THOC2: variants seen among roughly 807,000 people sequenced by gnomAD.
The protein encoded by THOC2 is THO complex subunit 2.
A neutral mutation model predicts 128.4 loss-of-function variants in THOC2; 10 were observed. That is an observed-to-expected ratio of 0.08 (90% confidence interval 0.05 to 0.13). The LOEUF (loss-of-function observed/expected upper bound fraction) is 0.13, where lower values mean the gene tolerates loss of function less well. Among genes scored for constraint, THOC2 ranks in the 10% least tolerant of loss-of-function variants. The probability of loss-of-function intolerance (pLI) is 1.00; values close to 1 mark genes in which losing one functional copy is unlikely to be tolerated. For synonymous variants in THOC2, 393 were observed against 396.9 expected (o/e 0.99, Z 0.12); for missense variants, 535 against 1,155.7 (o/e 0.46, Z 7.79).
At position 123,621,470 on chromosome X, in the gene THOC2, TTCTTTACCA is replaced by T. The variant is rs1242605341; in HGVS notation, c.3894_3902del (p.Asp1298_Lys1300del). 8.3e-7 allele frequency: 1 copy of T among 1,209,290 alleles called. No homozygotes were observed. Among genetic ancestry groups the T allele is most frequent in the Non-Finnish European group, 1.1e-6 (1 of 895,144 alleles). On this transcript the variant is annotated inframe_deletion, in exon 31 of 39. Coordinates refer to ENST00000245838, the MANE Select transcript of THOC2 (RefSeq NM_001081550.2). ...TATTTGGCCGCTCTTCCTTTGGTTT[TTCTTTACCA>T]TCTTTACCAAGTACCCTGGCCTCTG...
chrX:123,728,552 C>T (rs1323454941), intron 1 of THOC2, among the ~76,000 whole-genome samples: 2 of 111,057 alleles, frequency 1.8e-5, no homozygotes, highest in Admixed American at 9.6e-5. Flanking sequence ...TTTGGAGCAA[C>T]TTTGCGAGGA....
intron 1 of THOC2, among the ~76,000 whole-genome samples, chrX:123,731,686 G>T (rs1454922670): frequency 9.0e-6 from 1 of 110,956 alleles, no homozygotes; most frequent in Non-Finnish European, 1.9e-5. Flanking sequence ...AAGTGGCTAA[G>T]ACAGCCGCTT....
At chrX:123,702,463 C>T (rs2050739669) in intron 4 of THOC2, among the ~76,000 whole-genome samples, 1 of 105,510 alleles carries the variant, frequency 9.5e-6, no homozygotes, top group Admixed American at 1.1e-4. Context: ...CATGGTGAAA[C>T]CCCATCTCTA....
At chrX:123,610,880 T>C (rs1325170711) in intron 38 of THOC2, 38 bp downstream of exon 38, 21 of 1,115,855 alleles carry the variant, frequency 1.9e-5, no homozygotes, top group Non-Finnish European at 2.6e-5. Context: ...ATTTTATGTT[T>C]CTATCATTAA....
Position 123,667,320 on chromosome X carries a change from C to T in THOC2, c.1018-42G>A, listed in dbSNP as rs755350647. ...AAAACTAAGATACTCAGGATACAGA[C>T]ATCAAGAAATCTTAATACTTTGTCA... On this transcript the variant is annotated intron_variant, in intron 10 of 38. Coordinates refer to ENST00000245838, the MANE Select transcript of THOC2 (RefSeq NM_001081550.2). 7.0e-6 allele frequency: 7 copies of T among 1,000,971 alleles called. No homozygotes were observed. In the East Asian group the frequency reaches 1.9e-4, roughly 27 times the overall value. The allele number at this position is 1,000,971 out of a possible 1,213,427, so 82.5% of individuals were successfully genotyped here.
chrX:123,608,753 A>C (rs1476580574), intron 38 of THOC2, among the ~76,000 whole-genome samples: 1 of 112,308 alleles, frequency 8.9e-6, no homozygotes, highest in East Asian at 2.8e-4. Context: ...TCAAAAGAAA[A>C]GAAACTATCA....
chrX:123,635,801 T>C (rs999358999), intron 19 of THOC2, among the ~76,000 whole-genome samples: 1 of 112,042 alleles, frequency 8.9e-6, no homozygotes, highest in African/African-American at 3.2e-5. Context: ...TATTAGCCAT[T>C]TACTCAAAAG....
intron 7 of THOC2, among the ~76,000 whole-genome samples, chrX:123,693,727 G>C (rs1329121781): frequency 2.7e-5 from 3 of 111,158 alleles, no homozygotes; most frequent in Non-Finnish European, 5.7e-5. Context: ...TACATCACAG[G>C]TGGAGGGGGA....
intron 2 of THOC2, among the ~76,000 whole-genome samples, chrX:123,710,693 T>TA (rs1316378969): frequency 2.7e-5 from 3 of 110,286 alleles, no homozygotes; most frequent in Admixed American, 9.7e-5. Context: ...TTTCATTTGT[T>TA]AAAAAAACAT....
At chrX:123,661,269 G>A (rs1169757853) in intron 12 of THOC2, among the ~76,000 whole-genome samples, 1 of 111,248 alleles carries the variant, frequency 9.0e-6, no homozygotes, top group African/African-American at 3.3e-5. Flanking sequence ...GTTGGGCGTG[G>A]TGGCGGGCAC....
At chrX:123,679,661 AAG>A (rs1020363845) in intron 8 of THOC2, among the ~76,000 whole-genome samples, 2 of 112,251 alleles carry the variant, frequency 1.8e-5, no homozygotes, top group Non-Finnish European at 3.8e-5. Context: ...GGGGAAAAGA[AAG>A]AGAGATCAGA....
intron 8 of THOC2, among the ~76,000 whole-genome samples, chrX:123,679,967 AG>A (rs1447971984): frequency 8.9e-6 from 1 of 112,420 alleles, no homozygotes; most frequent in Non-Finnish European, 1.9e-5. Flanking sequence ...GGAAGGCTGC[AG>A]GGACCCCTGC....
intron 12 of THOC2, among the ~76,000 whole-genome samples, chrX:123,648,935 C>T (rs770776506): frequency 2.7e-5 from 3 of 112,157 alleles, no homozygotes; most frequent in South Asian, 7.4e-4. Flanking sequence ...AAGAGGGCAG[C>T]GGATCTCTCA....
chrX:123,639,915 G>A (rs1018956078), intron 16 of THOC2, among the ~76,000 whole-genome samples: 3 of 112,412 alleles, frequency 2.7e-5, no homozygotes, highest in South Asian at 3.7e-4. Flanking sequence ...GCCAGGTGTG[G>A]TGGCTCACGC....
At position 123,626,643 on chromosome X, in the gene THOC2, T is replaced by C; in HGVS notation, c.2777A>G (p.Lys926Arg). The change falls in exon 24 of 39, where the codon AAA becomes AGA. Residue 926 changes from lysine (K) to arginine (R), a missense_variant. Around this residue, in one of 9 missense-constraint regions of THOC2, gnomAD observed 90 missense variants for 298.6 expected, o/e 0.30. Transcript: ENST00000245838. The part of the protein sequence containing the change: ...NQEMPPNKKK[K>R]EKERCTALQD... ...AAGGGCAGTACAGCGCTCCTTCTCT[T>C]TTTTCTTTTTATTTGGGGGCTACAA... 8.4e-7 allele frequency: 1 copy of C among 1,191,342 alleles called. No individual in the cohort carries two copies.
rs147437727 is a variant in THOC2 at position 123,610,463 on chromosome X, C to A, written c.*18+455G>T. On this transcript the variant is annotated intron_variant, in intron 38 of 38. Coordinates refer to ENST00000245838, the MANE Select transcript of THOC2 (RefSeq NM_001081550.2). ...CATCAGCATGAGAAAGCAAAAGGAA[C>A]AGAGAACACTAAAGGATAGAAAGAC... Among the ~76,000 whole-genome samples the A allele has an allele frequency of 6.5e-3, 715 of 109,897 alleles. 6 individuals carry two copies. The highest frequency in any genetic ancestry group is 0.022 in the African/African-American group (665 of 30,266).
chrX:123,626,584 T>C lies in THOC2; in HGVS notation c.2836A>G (p.Met946Val), dbSNP rs971804157. 8.3e-7 allele frequency: 1 copy of C among 1,202,473 alleles called. No homozygotes were observed. Among genetic ancestry groups the C allele is most frequent in the Non-Finnish European group, 1.1e-6 (1 of 892,196 alleles). ...TGTAGAACTCTCTGTACATGTTCCA[T>C]CTGTTTCTTTTCTTCTTCAAGAAGC... ...DKLLEEEKKQ[M>V]EHVQRVLQRL... The change falls in exon 24 of 39, where the codon ATG becomes GTG. Residue 946 changes from methionine to valine, a missense_variant. This residue lies in a region of THOC2 where 90 missense variants were observed against 298.6 expected (regional missense o/e 0.30). Coordinates refer to ENST00000245838, the MANE Select transcript of THOC2 (RefSeq NM_001081550.2).
rs2049022019 is a variant in THOC2, at chrX:123,665,689, T to C, written c.1339A>G (p.Ile447Val). The part of the protein sequence containing the change: ...YLGPHLSHDP[I>V]LFAKVVRIGK... ...ATGCGCACCACTTTTGCAAATAAAA[T>C]GGGATCGTGAGAAAGGTGAGGACCA... The change falls in exon 12 of 39, where the codon ATT becomes GTT. Residue 447 changes from isoleucine (I) to valine (V), a missense_variant. Coordinates refer to ENST00000245838, the MANE Select transcript of THOC2 (RefSeq NM_001081550.2). 8.3e-7 allele frequency: 1 copy of C among 1,199,373 alleles called. No individual in the cohort carries two copies.
At chrX:123,649,185 T>G (rs2147726125) in intron 12 of THOC2, among the ~76,000 whole-genome samples, 1 of 111,460 alleles carries the variant, frequency 9.0e-6, no homozygotes, top group Non-Finnish European at 1.9e-5. Flanking sequence ...GGGTCTGGAG[T>G]GGACCTCCAG....
Sources: allele counts gnomAD v4.1 joint callset (sites outside exome capture counted in the v4.1 genomes callset), GRCh38; gene constraint gnomAD v4.1.1; regional missense constraint gnomAD v4.1.1; transcripts MANE v1.5; gene names NCBI Gene and HGNC (gene_info 2026-07-23, HGNC 2026-07-21).